Variants in PKD2L1 observed in about 807,000 individuals in gnomAD.
The protein encoded by PKD2L1 is polycystin-2-like protein 1.
PKD2L1 carries 77 observed loss-of-function variants against 93.0 expected under a neutral mutation model. The observed-to-expected ratio is 0.83, with a 90% CI of 0.69 to 1.00. The LOEUF (loss-of-function observed/expected upper bound fraction) is 1.00, where lower values mean the gene tolerates loss of function less well. PKD2L1 is among the 50% of genes least tolerant of loss of function. PKD2L1 has a pLI of 0.00. For missense variants in PKD2L1, 977 were observed against 990.9 expected, an observed-to-expected ratio of 0.99 and a Z score of 0.19; for synonymous variants, 390 against 388.0, an observed-to-expected ratio of 1.01 and a Z score of -0.06.
chr10:100,326,286 T>C (rs561533793), intron 2 of PKD2L1, among the ~76,000 whole-genome samples: 1 of 152,150 alleles, frequency 6.6e-6, no homozygotes, highest in Non-Finnish European at 1.5e-5. Context: ...GGCCCCTTCT[T>C]ATAAGGCCAG....
At chr10:100,303,108 A>G (rs111813183) in intron 2 of PKD2L1, among the ~76,000 whole-genome samples, 11 of 152,004 alleles carry the variant, frequency 7.2e-5, no homozygotes, top group Middle Eastern at 3.2e-3. Context: ...ATATGGGAAA[A>G]CTGAGTGAAA....
chr10:100,318,537 T>TA (rs908553773), intron 2 of PKD2L1, among the ~76,000 whole-genome samples: 1 of 151,444 alleles, frequency 6.6e-6, no homozygotes, highest in African/African-American at 2.4e-5. Flanking sequence ...TTTTTTTTTT[T>TA]AGGCAGAATC....
chr10:100,310,006 G>A (rs1262468268), intron 2 of PKD2L1, among the ~76,000 whole-genome samples: 1 of 152,158 alleles, frequency 6.6e-6, no homozygotes, highest in Non-Finnish European at 1.5e-5. Context: ...TTTCCAAAAA[G>A]GTTGCACCAT....
At position 100,294,615 on chromosome 10, in the gene PKD2L1, T is replaced by C. The variant is rs761354414; in HGVS notation, c.1579A>G (p.Asn527Asp). The change falls in exon 9 of 16, where the codon AAT (asparagine) becomes GAT (aspartate). Residue 527 changes from asparagine to aspartate, a missense_variant. Physicochemically the swap from Asn to Asp is conservative, Grantham distance 23. Coordinates refer to ENST00000318222, the MANE Select transcript of PKD2L1 (RefSeq NM_016112.3). ...FRIILGDFDY[N>D]AIDNANRILG... is the part of the protein sequence containing the mutation. ...ATGCGGTTGGCATTGTCGATAGCAT[T>C]GTAGTCAAAGTCCCCGAGGATTATC... 6.2e-7 allele frequency: 1 copy of C among 1,613,970 alleles called. No individual in the cohort carries two copies. The highest frequency in any genetic ancestry group is 8.5e-7 in the Non-Finnish European group (1 of 1,179,938).
intron 2 of PKD2L1, among the ~76,000 whole-genome samples, chr10:100,318,779 A>G (rs1023559520): frequency 4.6e-5 from 7 of 151,044 alleles, no homozygotes; most frequent in African/African-American, 1.5e-4. Flanking sequence ...TTGGCCTCCC[A>G]AAGTGCTGGG....
At chr10:100,310,059 C>T (rs1196743353) in intron 2 of PKD2L1, among the ~76,000 whole-genome samples, 3 of 152,182 alleles carry the variant, frequency 2.0e-5, no homozygotes, top group East Asian at 1.9e-4. Context: ...GCAAGCCCAG[C>T]GCAGTGGCTC....
intron 6 of PKD2L1, 97 bp downstream of exon 6, chr10:100,296,883 G>A: frequency 1.4e-6 from 1 of 729,178 alleles, no homozygotes; most frequent in Non-Finnish European, 2.3e-6. Flanking sequence ...TCAGAAGGAG[G>A]GCTTAGGGCT....
chr10:100,326,817 T>C (rs1161575018), intron 2 of PKD2L1, among the ~76,000 whole-genome samples: 2 of 152,226 alleles, frequency 1.3e-5, no homozygotes, highest in Non-Finnish European at 2.9e-5. Context: ...GCACAGTGTT[T>C]GACCCAAACC....
intron 12 of PKD2L1, 40 bp downstream of exon 12, chr10:100,291,261 A>C (rs368984277): frequency 7.5e-6 from 12 of 1,596,620 alleles, no homozygotes; most frequent in Non-Finnish European, 1.0e-5. Context: ...AGGGTGAGCT[A>C]TTTCCTTACA....
rs767371923 is a variant in PKD2L1, at chr10:100,291,356, C to T, written c.1952G>A (p.Arg651His). The T allele has an allele frequency of 2.7e-5, 43 of 1,613,880 alleles. No homozygotes were observed. Among genetic ancestry groups the T allele is most frequent in the Non-Finnish European group, 3.4e-5 (40 of 1,179,928 alleles). The change falls in exon 12 of 16, where the codon CGT (arginine) becomes CAT (histidine). Residue 651 changes from arginine to histidine, a missense_variant. Transcript: ENST00000318222. ...TTCCTGTTCCTTCTCATCCAGAATA[C>T]GATTCCCATCTCTGTCAAACTTGGT... ...TFTKFDRDGNRILDEKEQEKM... is the reference protein window; with the variant it reads ...TFTKFDRDGNHILDEKEQEKM...
In PKD2L1 at chr10:100,295,005, G is replaced by A. The variant is rs372577908; in HGVS notation, c.1475C>T (p.Ala492Val). The A allele has an allele frequency of 1.9e-6, 3 of 1,614,152 alleles. No individual in the cohort carries two copies. Among genetic ancestry groups the A allele is most frequent in the Non-Finnish European group, 2.5e-6 (3 of 1,180,012 alleles). The change falls in exon 8 of 16, where the codon GCC (alanine) becomes GTC (valine). Residue 492 changes from alanine (A) to valine (V), a missense_variant. Coordinates refer to ENST00000318222, the MANE Select transcript of PKD2L1 (RefSeq NM_016112.3). Reference protein sequence around the residue: ...VMFFIVFFAYAQLGYLLFGTQ... With the variant: ...VMFFIVFFAYVQLGYLLFGTQ... Reference sequence around the variant, plus strand: ...CCCGAAAAGCAGGTAGCCGAGTTGGGCATAGGCGAAGAAAACAATGAAGAA... The same window carrying A: ...CCCGAAAAGCAGGTAGCCGAGTTGGACATAGGCGAAGAAAACAATGAAGAA...
intron 2 of PKD2L1, among the ~76,000 whole-genome samples, chr10:100,323,771 C>T (rs1374317378): frequency 1.3e-5 from 2 of 152,120 alleles, no homozygotes; most frequent in African/African-American, 4.8e-5. Context: ...TTCCAAGTTT[C>T]CACAAGCAGC....
At chr10:100,310,381 G>A (rs1429314391) in intron 2 of PKD2L1, among the ~76,000 whole-genome samples, 5 of 151,956 alleles carry the variant, frequency 3.3e-5, no homozygotes, top group East Asian at 1.9e-4. Flanking sequence ...GCAAAAAGAG[G>A]GCAATGGATG....
Position 100,299,649 on chromosome 10 carries a change from G to A in PKD2L1, c.419C>T (p.Thr140Ile). 6.2e-7 allele frequency: 1 copy of A among 1,611,960 alleles called. No individual in the cohort carries two copies. The change falls in exon 3 of 16, where the codon ACT (threonine) becomes ATT (isoleucine). Residue 140 changes from threonine to isoleucine, a missense_variant. Transcript: ENST00000318222. The stretch of plus-strand genomic sequence containing the variant: ...AAAGGAGACTCCAGTGTCTGATGGA[G>A]TATGTAAGAAGAGCTCAGACATCAC... ...TKVMSELFLHTPSDTGVSFQA... is the reference protein window; with the variant it reads ...TKVMSELFLHIPSDTGVSFQA...
Position 100,330,178 on chromosome 10 carries a change from C to T in PKD2L1, c.-75G>A. On this transcript the variant is annotated 5_prime_UTR_variant, in exon 1 of 16. Coordinates refer to ENST00000318222, the MANE Select transcript of PKD2L1 (RefSeq NM_016112.3). ...GAGGAAGAGGGAGCAGAGGCACAGC[C>T]CAGCCTAGCCAGCAGAGAGCAAATG... 2 of 889,096 alleles carry T rather than the reference C, an allele frequency of 2.2e-6. No individual in the cohort carries two copies. The highest frequency in any genetic ancestry group is 1.7e-5 in the African/African-American group (1 of 59,864). 55.1% of individuals were successfully genotyped at this position (889,096 alleles called of 1,614,324 possible). A position where few individuals can be genotyped will look rare whatever the true frequency, so the allele number is the denominator to read the frequency against.
chr10:100,290,467 G>A lies in PKD2L1; in HGVS notation c.2060C>T (p.Pro687Leu). The change falls in exon 13 of 16, where the codon CCA (proline) becomes CTA (leucine). Residue 687 changes from proline (P) to leucine (L), a missense_variant. Coordinates refer to ENST00000318222, the MANE Select transcript of PKD2L1 (RefSeq NM_016112.3). ...EKLGRSIVSS[P>L]QGKSGPEAAR... Reference sequence around the variant, plus strand: ...AGCCTCTGGACCCGATTTGCCTTGTGGGCTGCTCACAATAGATCGGCCTAG... The same window carrying A: ...AGCCTCTGGACCCGATTTGCCTTGTAGGCTGCTCACAATAGATCGGCCTAG... 6.2e-7 allele frequency: 1 copy of A among 1,613,708 alleles called. No homozygotes were observed. Among genetic ancestry groups the A allele is most frequent in the South Asian group, 1.1e-5 (1 of 91,086 alleles).
At chr10:100,290,741 G>C (rs986870532) in intron 12 of PKD2L1, among the ~76,000 whole-genome samples, 1 of 152,182 alleles carries the variant, frequency 6.6e-6, no homozygotes, top group African/African-American at 2.4e-5. Context: ...ATCCTAGAAG[G>C]CTTGATGGAT....
In PKD2L1 at chr10:100,290,416, C is replaced by G. The variant is rs866152201; in HGVS notation, c.2111G>C (p.Gly704Ala). The stretch of plus-strand genomic sequence containing the variant: ...CTGCACGTACATGTAGAATTCTTCT[C>G]CTGAAACCCAGCCTCCTGCTCTGGC... ...EAARAGGWVS[G>A]EEFYMLTRRV... Residue 704 changes from glycine to alanine, a missense_variant, in exon 13 of 16, where the codon GGA becomes GCA. Transcript: ENST00000318222. The G allele has an allele frequency of 1.2e-6, 2 of 1,611,640 alleles. No homozygotes were observed. Among genetic ancestry groups the G allele is most frequent in the African/African-American group, 2.7e-5 (2 of 74,900 alleles).
At chr10:100,294,735 C>T in intron 8 of PKD2L1, 80 bp from the exon 9 acceptor site, 1 of 1,578,022 alleles carries the variant, frequency 6.3e-7, no homozygotes, top group Non-Finnish European at 8.7e-7. Flanking sequence ...AGAGACCCCT[C>T]ACCACACGTT....
Sources: allele counts gnomAD v4.1 joint callset (sites outside exome capture counted in the v4.1 genomes callset), GRCh38; gene constraint gnomAD v4.1.1; transcripts MANE v1.5; gene names NCBI Gene and HGNC (gene_info 2026-07-23, HGNC 2026-07-21).